TP63: variants seen among roughly 807,000 people sequenced by gnomAD.
TP63 encodes the protein tumor protein 63.
In TP63, 17 loss-of-function variants were observed where a neutral mutation model predicts 82.8. The ratio of observed to expected loss-of-function variants is 0.21; its 90% CI spans 0.14 to 0.31. TP63 has a LOEUF of 0.31. Ranked by LOEUF, TP63 falls within the 10% of genes least tolerant of loss-of-function variation. TP63 has a pLI of 1.00. For synonymous variants in TP63, 330 were observed against 321.7 expected, an observed-to-expected ratio of 1.03 and a Z score of -0.28; for missense variants, 648 against 895.3, an observed-to-expected ratio of 0.72 and a Z score of 3.52.
At chr3:189,748,642 T>G (rs569513808) in intron 3 of TP63, among the ~76,000 whole-genome samples, 1 of 151,532 alleles carries the variant, frequency 6.6e-6, no homozygotes, top group Admixed American at 6.6e-5. Flanking sequence ...TCAAAGCAAT[T>G]CCTATCAAAG....
At chr3:189,849,863 T>C (rs1034752431) in intron 4 of TP63, among the ~76,000 whole-genome samples, 1 of 152,224 alleles carries the variant, frequency 6.6e-6, no homozygotes, top group South Asian at 2.1e-4. Context: ...CAAGAGGTGC[T>C]ATAATGTTCC....
chr3:189,824,353 C>T (rs1729116614), intron 4 of TP63, among the ~76,000 whole-genome samples: 1 of 152,034 alleles, frequency 6.6e-6, no homozygotes, highest in African/African-American at 2.4e-5. Flanking sequence ...CTGCCTCAGC[C>T]TCCCCAGTAG....
chr3:189,643,795 C>T (rs537536526), intron 1 of TP63, among the ~76,000 whole-genome samples: 6 of 152,322 alleles, frequency 3.9e-5, no homozygotes, highest in African/African-American at 1.4e-4. Flanking sequence ...AACTCCTTTT[C>T]ATTGCGGTGG....
At chr3:189,612,050 A>G in the TP63 span, among the ~76,000 whole-genome samples, 3 of 152,152 alleles carry the variant, frequency 2.0e-5, no homozygotes. Context: ...GATTTTCTAG[A>G]TATAGAATCA....
chr3:189,854,380 GC>G (rs755449514), intron 4 of TP63, among the ~76,000 whole-genome samples: 4 of 152,040 alleles, frequency 2.6e-5, no homozygotes, highest in Non-Finnish European at 4.4e-5. Context: ...ACAGACATGT[GC>G]CACCACGCCC....
intron 9 of TP63, among the ~76,000 whole-genome samples, chr3:189,872,019 T>G (rs769813050): frequency 6.6e-6 from 1 of 152,200 alleles, no homozygotes; most frequent in African/African-American, 2.4e-5. Flanking sequence ...CTGCTCATAA[T>G]TGTAAAAGCC....
At position 189,836,745 on chromosome 3, in the gene TP63, AAC is replaced by A. The variant is rs567823777; in HGVS notation, c.580-27484_580-27483del. On this transcript the variant is annotated intron_variant, in intron 4 of 13. Transcript: ENST00000264731. ...CAGTGTCAGGCAGAAGGATCTTTCT[AAC>A]ACTCGCCTCAGTTCATGGATTGCTG... is the stretch of plus-strand genomic sequence containing the variant. 3.3e-5 allele frequency among the ~76,000 whole-genome samples: 5 copies of A among 152,246 alleles called. No individual in the cohort carries two copies. In the East Asian group the frequency reaches 7.7e-4, roughly 24 times the overall value.
At chr3:189,750,096 C>T (rs910340839) in intron 3 of TP63, among the ~76,000 whole-genome samples, 1 of 146,664 alleles carries the variant, frequency 6.8e-6, no homozygotes, top group African/African-American at 2.5e-5. Flanking sequence ...TGCACTACAG[C>T]CTGGGTGACA....
At chr3:189,744,370 G>A (rs1049120082) in intron 3 of TP63, among the ~76,000 whole-genome samples, 1 of 152,202 alleles carries the variant, frequency 6.6e-6, no homozygotes, top group Non-Finnish European at 1.5e-5. Context: ...CTGGCCTCCC[G>A]GGGGATCACC....
At chr3:189,722,659 C>A (rs545676743) in intron 1 of TP63, among the ~76,000 whole-genome samples, 3 of 152,308 alleles carry the variant, frequency 2.0e-5, no homozygotes, top group Admixed American at 1.3e-4. Context: ...AGCTCATGTA[C>A]CTTCCCCAAA....
intron 4 of TP63, among the ~76,000 whole-genome samples, chr3:189,829,399 G>C (rs1038871332): frequency 1.3e-5 from 2 of 152,192 alleles, no homozygotes; most frequent in African/African-American, 4.8e-5. Flanking sequence ...AAACAAGTTA[G>C]CATCCAACTA....
chr3:189,822,959 G>C (rs1038969380), intron 4 of TP63, among the ~76,000 whole-genome samples: 9 of 152,166 alleles, frequency 5.9e-5, no homozygotes, highest in Non-Finnish European at 1.2e-4. Context: ...CCTCCAGAGA[G>C]TGAGACACCC....
At position 189,773,410 on chromosome 3, in the gene TP63, C is replaced by A. The variant is rs988956777; in HGVS notation, c.324+34636C>A. ...CCAAGAAACCATTGTGAAGTAAAGT[C>A]GTGTTTAATAAGGTGGATGGACCCT... On this transcript the variant is annotated intron_variant, in intron 3 of 13. Coordinates refer to ENST00000264731, the MANE Select transcript of TP63 (RefSeq NM_003722.5). Among the ~76,000 whole-genome samples the A allele has an allele frequency of 2.0e-4, 30 of 152,180 alleles. 1 individual carries two copies. The highest frequency in any genetic ancestry group is 1.9e-3 in the Admixed American group (29 of 15,280).
intron 3 of TP63, among the ~76,000 whole-genome samples, chr3:189,744,708 C>T (rs1246623444): frequency 6.6e-6 from 1 of 152,202 alleles, no homozygotes; most frequent in South Asian, 2.1e-4. Context: ...AATGCCATCA[C>T]CCATGACATG....
chr3:189,795,483 T>A lies in TP63; in HGVS notation c.325-12789T>A, dbSNP rs544410611. Among the ~76,000 whole-genome samples, 4 of 152,060 alleles carry A rather than the reference T, an allele frequency of 2.6e-5. No homozygotes were observed. The East Asian group carries it at 7.8e-4, about 29-fold the overall frequency. ...AACTGTTTATGATAAAGGTAATATT[T>A]TATATGGTTTGAGAACTGAAATTCA... On this transcript the variant is annotated intron_variant, in intron 3 of 13. Coordinates refer to ENST00000264731, the MANE Select transcript of TP63 (RefSeq NM_003722.5).
At chr3:189,657,711 T>C (rs550028454) in intron 1 of TP63, among the ~76,000 whole-genome samples, 1 of 152,226 alleles carries the variant, frequency 6.6e-6, no homozygotes, top group South Asian at 2.1e-4. Flanking sequence ...GGTAATGGAT[T>C]AGAGTTACAG....
chr3:189,878,470 C>T (rs1292402701), intron 10 of TP63, among the ~76,000 whole-genome samples: 1 of 143,580 alleles, frequency 7.0e-6, no homozygotes, highest in African/African-American at 2.6e-5. Flanking sequence ...CTCACTGAAA[C>T]ATTTGCCTCC....
At chr3:189,888,802 C>T (rs1344338449) in intron 11 of TP63, among the ~76,000 whole-genome samples, 4 of 152,152 alleles carry the variant, frequency 2.6e-5, no homozygotes, top group South Asian at 4.1e-4. Context: ...TTATTAGGCA[C>T]GTGAGTCCTT....
intron 10 of TP63, among the ~76,000 whole-genome samples, chr3:189,881,930 A>G (rs573709221): frequency 1.3e-5 from 2 of 152,188 alleles, no homozygotes; most frequent in Non-Finnish European, 2.9e-5. Context: ...CCAGAAATCA[A>G]CAGTGGAACC....
Sources: gnomAD v4.1 joint callset for allele counts (sites outside exome capture counted in the v4.1 genomes callset) on GRCh38, gnomAD v4.1.1 for gene constraint, MANE v1.5 for transcripts, NCBI Gene and HGNC (gene_info 2026-07-23, HGNC 2026-07-21) for gene names.